Variants in ARHGEF19 observed in about 807,000 individuals in gnomAD.
The protein encoded by ARHGEF19 is Rho guanine nucleotide exchange factor (GEF) 19.
A neutral mutation model predicts 87.6 loss-of-function variants in ARHGEF19; 92 were observed. The ratio of observed to expected loss-of-function variants is 1.05; its 90% CI spans 0.89 to 1.25. The LOEUF (loss-of-function observed/expected upper bound fraction) is 1.25, where lower values mean the gene tolerates loss of function less well. Among genes scored for constraint, ARHGEF19 ranks in the 50% most tolerant of loss-of-function variants. The pLI is 0.00. For missense variants in ARHGEF19, 1,054 were observed against 1,051.8 expected, an observed-to-expected ratio of 1.00 and a Z score of -0.03; for synonymous variants, 438 against 446.2, an observed-to-expected ratio of 0.98 and a Z score of 0.23.
Position 16,205,594 on chromosome 1 carries a change from T to C in ARHGEF19, c.1525A>G (p.Thr509Ala). 1 of 1,612,990 alleles carries C rather than the reference T, an allele frequency of 6.2e-7. No individual in the cohort carries two copies. The highest frequency in any genetic ancestry group is 2.2e-5 in the East Asian group (1 of 44,844). Residue 509 changes from threonine (T) to alanine (A), a missense_variant, in exon 9 of 16, where the codon ACC (threonine) becomes GCC (alanine). Thr to Ala is a moderately conservative substitution (Grantham distance 58). Transcript: ENST00000270747. The surrounding 1 kb of genome is among the most constrained non-coding windows in gnomAD (Gnocchi z 5.8). ...TGGAAGGGCAGGATAAGGAAGGAGG[T>C]AAGGGGCAGACGCTGGCACACAGGA... Reference protein sequence around the residue: ...ESPVCQRLPLTSFLILPFQRI... With the variant: ...ESPVCQRLPLASFLILPFQRI...
chr1:16,202,673 G>T, intron 12 of ARHGEF19, 99 bp from the exon 13 acceptor site: 1 of 1,473,910 alleles, frequency 6.8e-7, no homozygotes, highest in Non-Finnish European at 9.2e-7. Context: ...TGGGGAGAAG[G>T]GGTTGCCTGC....
Position 16,207,242 on chromosome 1 carries a change from G to GGCGC in ARHGEF19, c.875-36_875-33dup, listed in dbSNP as rs2081148666. 2 of 1,474,550 alleles carry GGCGC rather than the reference G, an allele frequency of 1.4e-6. No homozygotes were observed. The highest frequency in any genetic ancestry group is 2.8e-5 in the African/African-American group (2 of 70,754). The allele number at this position is 1,474,550 out of a possible 1,614,324, so 91.3% of individuals were successfully genotyped here. A position where few individuals can be genotyped will look rare whatever the true frequency, so the allele number is the denominator to read the frequency against. The stretch of plus-strand genomic sequence containing the variant: ...GAAAGACGGGCGGGGGAGAGCGTGG[G>GGCGC]GCGCCCGCCAGCCCCTGCCCGGCTT... On this transcript the variant is annotated intron_variant, in intron 5 of 15. Transcript: ENST00000270747. The surrounding 1 kb of genome is among the most constrained non-coding windows in gnomAD (Gnocchi z 4.0).
At chr1:16,202,698 C>T (rs1374211793) in intron 12 of ARHGEF19, 124 bp from the exon 13 acceptor site, 2 of 1,264,020 alleles carry the variant, frequency 1.6e-6, no homozygotes, top group Admixed American at 2.4e-5. Context: ...CCAGCGTTCT[C>T]ACAGGGTCCT....
intron 12 of ARHGEF19, among the ~76,000 whole-genome samples, chr1:16,203,978 T>C (rs1334342985): frequency 6.6e-6 from 1 of 152,194 alleles, no homozygotes; most frequent in Non-Finnish European, 1.5e-5. Context: ...CAGTGACTGT[T>C]TACTAAATGA....
chr1:16,204,458 C>T (rs997224678), intron 12 of ARHGEF19, among the ~76,000 whole-genome samples: 13 of 152,208 alleles, frequency 8.5e-5, no homozygotes, highest in Non-Finnish European at 1.6e-4. Flanking sequence ...AGCTGTGACT[C>T]AGGGCAGAGT....
In ARHGEF19 at chr1:16,206,665, C is replaced by T. The variant is rs2081139094; in HGVS notation, c.1137+283G>A. 1.4e-5 allele frequency: 7 copies of T among 506,380 alleles called. No homozygotes were observed. The highest frequency in any genetic ancestry group is 1.2e-4 in the South Asian group (5 of 43,078). The allele number at this position is 506,380 out of a possible 1,614,324, so 31.4% of individuals were successfully genotyped here. ...CAGGCGTTTGCTCTTCCAATGGTTC[C>T]GCTCCTCATCCGGCCCTGTCCTATC... On this transcript the variant is annotated intron_variant, in intron 6 of 15. Transcript: ENST00000270747. This position sits in a 1 kb window ranked among gnomAD's most constrained non-coding sequence, Gnocchi z 4.6.
In ARHGEF19 at chr1:16,206,484, C is replaced by G; in HGVS notation, c.1138-144G>C. 1.1e-6 allele frequency: 1 copy of G among 887,220 alleles called. No homozygotes were observed. Among genetic ancestry groups the G allele is most frequent in the Non-Finnish European group, 1.7e-6 (1 of 574,126 alleles). 55.0% of individuals were successfully genotyped at this position (887,220 alleles called of 1,614,324 possible). On this transcript the variant is annotated intron_variant, in intron 6 of 15. Transcript: ENST00000270747. The surrounding 1 kb of genome is among the most constrained non-coding windows in gnomAD (Gnocchi z 4.6). ...ACTCCTAATCTGGCGCCGGGCGGGC[C>G]CGGCGACCCACGTCCCGCCGCGGGA...
chr1:16,199,326 G>T, intron 14 of ARHGEF19, 72 bp from the exon 15 acceptor site: 2 of 1,315,366 alleles, frequency 1.5e-6, no homozygotes, highest in South Asian at 1.2e-5. Context: ...GTAGGGCAGG[G>T]AGGGGCAGTA....
In ARHGEF19 at chr1:16,198,661, C is replaced by T. The variant is rs774766550; in HGVS notation, c.2335G>A (p.Ala779Thr). Residue 779 changes from alanine (A) to threonine (T), a missense_variant, in exon 16 of 16, where the codon GCC (alanine) becomes ACC (threonine). By Grantham distance (58) the Ala-to-Thr change is moderately conservative (BLOSUM62 0). Transcript: ENST00000270747. This position sits in a 1 kb window ranked among gnomAD's most constrained non-coding sequence, Gnocchi z 4.1. ...TTCTCCCGGAGGTTTCGGAGGCGGG[C>T]GCTGAGGCTGCTGATCTCTTCCACA... is the stretch of plus-strand genomic sequence containing the variant. ...AYVEEISSLS[A>T]RLRNLRENKR... The T allele has an allele frequency of 2.5e-6, 4 of 1,613,790 alleles. No homozygotes were observed. The highest frequency in any genetic ancestry group is 1.7e-5 in the Admixed American group (1 of 59,994).
At chr1:16,201,093 A>G (rs1291608482) in intron 14 of ARHGEF19, among the ~76,000 whole-genome samples, 2 of 151,784 alleles carry the variant, frequency 1.3e-5, no homozygotes, top group Admixed American at 6.6e-5. Flanking sequence ...GTGGTAGTGC[A>G]TATCTGTGGT....
rs1210430881 is a variant in ARHGEF19 at position 16,205,761 on chromosome 1, AG to A, written c.1452-95del. 18 of 1,506,350 alleles carry A rather than the reference AG, an allele frequency of 1.2e-5. No individual in the cohort carries two copies. The East Asian group carries it at 4.4e-4, about 37-fold the overall frequency. The allele number at this position is 1,506,350 out of a possible 1,614,324, so 93.3% of individuals were successfully genotyped here. A position where few individuals can be genotyped will look rare whatever the true frequency, so the allele number is the denominator to read the frequency against. On this transcript the variant is annotated intron_variant, in intron 8 of 15. Transcript: ENST00000270747. The surrounding 1 kb of genome is among the most constrained non-coding windows in gnomAD (Gnocchi z 5.8). ...CCACGGGGTCCTCAGGGGGCTTCTC[AG>A]CACATCCTTACTGCCCTTTGGGGTT...
chr1:16,202,543 TG>T lies in ARHGEF19; in HGVS notation c.1938del (p.Lys647ArgfsTer10), dbSNP rs1403934057. On this transcript the variant is annotated frameshift_variant, in exon 13 of 16. Transcript: ENST00000270747. LOFTEE classifies it high-confidence loss of function. The stretch of plus-strand genomic sequence containing the variant: ...TCCCGCACCTGCAGCTCAGCCATCT[TG>T]GCATGGACGAAAACGGCAAACTTCC... The part of the protein sequence containing the change: ...ELGKFAVFVH[A>X]KMAELQVRDL... The T allele has an allele frequency of 6.2e-7, 1 of 1,614,092 alleles. No homozygotes were observed. Among genetic ancestry groups the T allele is most frequent in the Admixed American group, 1.7e-5 (1 of 60,020 alleles).
rs765617540 is a variant in ARHGEF19, at chr1:16,208,764, G to C, written c.291C>G (p.Ser97Arg). The C allele has an allele frequency of 1.9e-6, 3 of 1,612,808 alleles. No individual in the cohort carries two copies. The highest frequency in any genetic ancestry group is 1.7e-5 in the Admixed American group (1 of 59,886). The change falls in exon 2 of 16, where the codon AGC (serine) becomes AGG (arginine). Residue 97 changes from serine (S) to arginine (R), a missense_variant. Physicochemically the swap from Ser to Arg is moderately radical, Grantham distance 110. Coordinates refer to ENST00000270747, the MANE Select transcript of ARHGEF19 (RefSeq NM_153213.5). The part of the protein sequence containing the change: ...TEITSGGMRP[S>R]RAGSWPHCPG... ...GACAGTGTGGCCAGCTGCCAGCCCT[G>C]CTGGGCCGCATCCCCCCGCTGGTGA... is the stretch of plus-strand genomic sequence containing the variant.
At chr1:16,201,687 A>G in intron 14 of ARHGEF19, 95 bp downstream of exon 14, 1 of 1,388,738 alleles carries the variant, frequency 7.2e-7, no homozygotes, top group Non-Finnish European at 9.8e-7. Flanking sequence ...CTCTCTCCCC[A>G]TAGCCCTGCC....
Position 16,206,237 on chromosome 1 carries a change from G to C in ARHGEF19, c.1241C>G (p.Ala414Gly). 1 of 1,596,518 alleles carries C rather than the reference G, an allele frequency of 6.3e-7. No homozygotes were observed. Among genetic ancestry groups the C allele is most frequent in the Admixed American group, 1.8e-5 (1 of 56,898 alleles). Residue 414 changes from alanine (A) to glycine (G), a missense_variant, in exon 7 of 16, where the codon GCG becomes GGG. By Grantham distance (60) the Ala-to-Gly change is moderately conservative (BLOSUM62 0). Coordinates refer to ENST00000270747, the MANE Select transcript of ARHGEF19 (RefSeq NM_153213.5). The surrounding 1 kb of genome is among the most constrained non-coding windows in gnomAD (Gnocchi z 4.6). The part of the protein sequence containing the change: ...GSAELSECLG[A>G]QDKQWLFSKL... ...GGAAAACAGCCACTGCTTGTCCTGC[G>C]CCCCCAGACACTCGCTCAGCTCGGC...
rs763374027 is a variant in ARHGEF19, at chr1:16,207,769, A to G, written c.703T>C (p.Ser235Pro). ...GTGAAREGKA[S>P]GMEARSVEMS... is the part of the protein sequence containing the mutation. ...TCTACACTTCGAGCCTCCATTCCAG[A>G]TGCTTTCCCTGGAGAGGGCGAGAAC... The change falls in exon 4 of 16, where the codon TCT becomes CCT. Residue 235 changes from serine to proline, a missense_variant. Transcript: ENST00000270747. The surrounding 1 kb of genome is among the most constrained non-coding windows in gnomAD (Gnocchi z 4.0). The G allele has an allele frequency of 6.2e-7, 1 of 1,613,788 alleles. No homozygotes were observed. Among genetic ancestry groups the G allele is most frequent in the Non-Finnish European group, 8.5e-7 (1 of 1,179,986 alleles).
In ARHGEF19 at chr1:16,206,935, C is replaced by G. The variant is rs2100282288; in HGVS notation, c.1137+13G>C. 1.4e-6 allele frequency: 2 copies of G among 1,449,976 alleles called. No homozygotes were observed. Among genetic ancestry groups the G allele is most frequent in the Non-Finnish European group, 1.8e-6 (2 of 1,111,112 alleles). 89.8% of individuals were successfully genotyped at this position (1,449,976 alleles called of 1,614,324 possible). A position where few individuals can be genotyped will look rare whatever the true frequency, so the allele number is the denominator to read the frequency against. Reference sequence around the variant, plus strand: ...GCCCGCCCCCGCCCCGCCGGGTCCCCGCGCGCGCCCACCTCCTGCAGCTTG... The same window carrying G: ...GCCCGCCCCCGCCCCGCCGGGTCCCGGCGCGCGCCCACCTCCTGCAGCTTG... On this transcript the variant is annotated intron_variant, in intron 6 of 15. Transcript: ENST00000270747. The surrounding 1 kb of genome is among the most constrained non-coding windows in gnomAD (Gnocchi z 4.6).
In ARHGEF19 at chr1:16,208,274, C is replaced by T. The variant is rs376050004; in HGVS notation, c.413-49G>A. The T allele has an allele frequency of 5.1e-6, 8 of 1,579,476 alleles. No individual in the cohort carries two copies. In the African/African-American group the frequency reaches 1.1e-4, roughly 21 times the overall value. On this transcript the variant is annotated intron_variant, in intron 2 of 15. Transcript: ENST00000270747. ...GAGCACGGGCTGGGGTCTCCCCCAACCTCCTCCCTGCTGCTGCCCCTGGCC... is the reference window on the plus strand; with the variant it reads ...GAGCACGGGCTGGGGTCTCCCCCAATCTCCTCCCTGCTGCTGCCCCTGGCC...
chr1:16,206,635 C>T lies in ARHGEF19; in HGVS notation c.1138-295G>A. ...GATCCTGGCCCCGCCTTGTTCCGCG[C>T]CCACCAGGCGTTTGCTCTTCCAATG... On this transcript the variant is annotated intron_variant, in intron 6 of 15. Transcript: ENST00000270747. This position sits in a 1 kb window ranked among gnomAD's most constrained non-coding sequence, Gnocchi z 4.6. 1 of 527,650 alleles carries T rather than the reference C, an allele frequency of 1.9e-6. No homozygotes were observed. The allele number at this position is 527,650 out of a possible 1,614,324, so 32.7% of individuals were successfully genotyped here.
Sources: gnomAD v4.1 joint callset for allele counts (sites outside exome capture counted in the v4.1 genomes callset) on GRCh38, gnomAD v4.1.1 for gene constraint, Gnocchi (gnomAD v3.1) non-coding constraint, MANE v1.5 for transcripts, NCBI Gene and HGNC (gene_info 2026-07-23, HGNC 2026-07-21) for gene names.